PRUNE2: variants seen among roughly 807,000 people sequenced by gnomAD.
The protein encoded by PRUNE2 is protein prune homolog 2.
PRUNE2 carries 164 observed loss-of-function variants against 252.0 expected under a neutral mutation model. The ratio of observed to expected loss-of-function variants is 0.65; its 90% CI spans 0.57 to 0.74. The LOEUF is 0.74. Ranked by LOEUF, PRUNE2 falls within the 30% of genes least tolerant of loss-of-function variation. PRUNE2 has a pLI of 0.00. For synonymous variants in PRUNE2, 1,292 were observed against 1,350.2 expected, an observed-to-expected ratio of 0.96 and a Z score of 0.94; for missense variants, 3,495 against 3,711.0, an observed-to-expected ratio of 0.94 and a Z score of 1.51.
intron 6 of PRUNE2, among the ~76,000 whole-genome samples, chr9:76,754,704 C>T (rs780124527): frequency 6.6e-6 from 1 of 152,064 alleles, no homozygotes; most frequent in Non-Finnish European, 1.5e-5. Context: ...TGGTGGCTCA[C>T]GTCTGTAAAC....
intron 1 of PRUNE2, among the ~76,000 whole-genome samples, chr9:76,901,910 T>C (rs781617249): frequency 2.0e-4 from 30 of 152,204 alleles, no homozygotes; most frequent in Non-Finnish European, 3.1e-4. Context: ...ATGTGCCCTG[T>C]ATCTTGCTGG....
intron 1 of PRUNE2, among the ~76,000 whole-genome samples, chr9:76,894,241 C>T (rs1295331698): frequency 6.6e-6 from 1 of 152,212 alleles, no homozygotes. Flanking sequence ...GAAGCAGCTC[C>T]AGAAGTCTCT....
At chr9:76,620,240 A>G (rs1479147519) in intron 17 of PRUNE2, among the ~76,000 whole-genome samples, 1 of 151,554 alleles carries the variant, frequency 6.6e-6, no homozygotes, top group Non-Finnish European at 1.5e-5. Flanking sequence ...CTCAGGTTCA[A>G]GCGATTCTCC....
Position 76,622,344 on chromosome 9 carries a change from C to T in PRUNE2, c.9188+2108G>A, listed in dbSNP as rs541573883. On this transcript the variant is annotated intron_variant, in intron 17 of 18. Coordinates refer to ENST00000376718, the MANE Select transcript of PRUNE2 (RefSeq NM_015225.3). ...AAAAAAGAGAAAGCTACAAAACTAC[C>T]CAAAAACAATAATCATTTTACTGTG... is the stretch of plus-strand genomic sequence containing the variant. Among the ~76,000 whole-genome samples the T allele has an allele frequency of 2.0e-5, 3 of 151,776 alleles. No individual in the cohort carries two copies. The South Asian group carries it at 6.3e-4, about 32-fold the overall frequency.
At chr9:76,802,739 A>T (rs980461199) in intron 6 of PRUNE2, among the ~76,000 whole-genome samples, 9 of 151,486 alleles carry the variant, frequency 5.9e-5, no homozygotes, top group Non-Finnish European at 1.0e-4. Flanking sequence ...AGAAAGCTTC[A>T]TGCACTTTAA....
rs34591955 is a variant in PRUNE2 at position 76,830,930 on chromosome 9, ATT to A, written c.509-4200_509-4199del. Among the ~76,000 whole-genome samples the A allele has an allele frequency of 2.8e-3, 386 of 138,528 alleles. 2 individuals are homozygous for A. The Middle Eastern group carries it at 0.03, about 11-fold the overall frequency. 90.9% of individuals were successfully genotyped at this position (138,528 alleles called of 152,430 possible). ...TAGAATTCCATACTGAGTGAAAACAATTTTTTTTTTTTTTTTTGAGACGGAGT... is the reference window on the plus strand; with the variant it reads ...TAGAATTCCATACTGAGTGAAAACAATTTTTTTTTTTTTTTGAGACGGAGT... On this transcript the variant is annotated intron_variant, in intron 4 of 18. Transcript: ENST00000376718.
chr9:76,892,521 G>C (rs1404940055), intron 1 of PRUNE2, among the ~76,000 whole-genome samples: 1 of 152,164 alleles, frequency 6.6e-6, no homozygotes, highest in Non-Finnish European at 1.5e-5. Flanking sequence ...AAAAAGGAGG[G>C]ACAATGAAAA....
intron 2 of PRUNE2, among the ~76,000 whole-genome samples, chr9:76,852,908 G>T (rs1367323960): frequency 6.6e-6 from 1 of 151,938 alleles, no homozygotes; most frequent in Non-Finnish European, 1.5e-5. Flanking sequence ...TCAAGACATT[G>T]TTGTAGGTGG....
chr9:76,877,544 A>G (rs2061542505), intron 1 of PRUNE2, among the ~76,000 whole-genome samples: 1 of 152,094 alleles, frequency 6.6e-6, no homozygotes, highest in South Asian at 2.1e-4. Flanking sequence ...CTAATGGTAG[A>G]ATTTCATGAA....
At chr9:76,784,472 A>G (rs2131281254) in intron 6 of PRUNE2, 1 of 152,368 alleles carries the variant, frequency 6.6e-6, no homozygotes. Context: ...CTGTGCGTTC[A>G]TAACCAAATC....
intron 16 of PRUNE2, 52 bp downstream of exon 16, chr9:76,629,140 G>C: frequency 8.7e-7 from 1 of 1,144,588 alleles, no homozygotes; most frequent in South Asian, 1.4e-5. Flanking sequence ...ACCACACCCA[G>C]CCTCAAACTA....
chr9:76,642,000 GT>G, intron 12 of PRUNE2: 1 of 714,402 alleles, frequency 1.4e-6, no homozygotes, highest in Non-Finnish European at 2.0e-6. Context: ...AATAAGAGAA[GT>G]AAAAAAAAAA....
At chr9:76,690,987 A>AT (rs1171728913) in intron 9 of PRUNE2, among the ~76,000 whole-genome samples, 1 of 152,124 alleles carries the variant, frequency 6.6e-6, no homozygotes, top group African/African-American at 2.4e-5. Flanking sequence ...TCCATGGGTC[A>AT]TTTTTTTGAT....
intron 1 of PRUNE2, among the ~76,000 whole-genome samples, chr9:76,893,349 A>C (rs919257415): frequency 6.6e-6 from 1 of 152,262 alleles, no homozygotes; most frequent in African/African-American, 2.4e-5. Context: ...TCACAGTTAC[A>C]CAACGAGAAA....
At chr9:76,774,819 G>C (rs1470276933) in intron 6 of PRUNE2, among the ~76,000 whole-genome samples, 1 of 152,078 alleles carries the variant, frequency 6.6e-6, no homozygotes, top group Non-Finnish European at 1.5e-5. Flanking sequence ...AGGAAACAGG[G>C]GAGCTTTAGC....
At position 76,823,717 on chromosome 9, in the gene PRUNE2, A is replaced by G. The variant is rs1352244856; in HGVS notation, c.671T>C (p.Ile224Thr). ...TAGATCTTTCAACATTGTCTGTTCA[A>G]TACTTAAACCTGTGGATGACAGGAA... ...ETQFSAQGLS[I>T]EQTMLKDLKE... Residue 224 changes from isoleucine (I) to threonine (T), a missense_variant, in exon 6 of 19, where the codon ATT (isoleucine) becomes ACT (threonine). Coordinates refer to ENST00000376718, the MANE Select transcript of PRUNE2 (RefSeq NM_015225.3). 1.2e-6 allele frequency: 2 copies of G among 1,603,606 alleles called. No individual in the cohort carries two copies. The highest frequency in any genetic ancestry group is 1.1e-5 in the South Asian group (1 of 90,768).
At chr9:76,840,407 G>T (rs1461059007) in intron 4 of PRUNE2, among the ~76,000 whole-genome samples, 1 of 152,150 alleles carries the variant, frequency 6.6e-6, no homozygotes, top group Non-Finnish European at 1.5e-5. Flanking sequence ...GCATGCCCAA[G>T]CATGATGCAT....
At chr9:76,818,540 A>G (rs1318559883) in intron 6 of PRUNE2, among the ~76,000 whole-genome samples, 2 of 152,088 alleles carry the variant, frequency 1.3e-5, no homozygotes, top group Non-Finnish European at 2.9e-5. Flanking sequence ...GATGCATCCC[A>G]GGCTTCACAC....
At position 76,636,529 on chromosome 9, in the gene PRUNE2, T is replaced by C. The variant is rs1206033982; in HGVS notation, c.8992A>G (p.Ile2998Val). 20 of 1,555,120 alleles carry C rather than the reference T, an allele frequency of 1.3e-5. No homozygotes were observed. In the East Asian group the frequency reaches 4.5e-4, roughly 35 times the overall value. ...CTGATGAACCAAGATGGATGAACAA[T>C]GATGAATGATTTCAAATTCTTCCTC... The part of the protein sequence containing the change: ...RLRKNLKSFI[I>V]VHPSWFIRTI... The change falls in exon 15 of 19, where the codon ATT becomes GTT. Residue 2998 changes from isoleucine (I) to valine (V), a missense_variant. Transcript: ENST00000376718.
Sources: gnomAD v4.1 joint callset for allele counts (sites outside exome capture counted in the v4.1 genomes callset) on GRCh38, gnomAD v4.1.1 for gene constraint, MANE v1.5 for transcripts, NCBI Gene and HGNC (gene_info 2026-07-23, HGNC 2026-07-21) for gene names.